Variants in CNTN3 observed in about 807,000 individuals in gnomAD.
CNTN3 encodes contactin-3.
In CNTN3, 60 loss-of-function variants were observed where a neutral mutation model predicts 119.1. That is an observed-to-expected ratio of 0.50 (90% CI 0.41 to 0.62). The LOEUF (loss-of-function observed/expected upper bound fraction) is 0.62, where lower values mean the gene tolerates loss of function less well. Ranked by LOEUF, CNTN3 falls within the 20% of genes least tolerant of loss-of-function variation. The pLI, the probability that CNTN3 is intolerant of heterozygous loss-of-function variation, is 0.00. For missense variants in CNTN3, 1,101 were observed against 1,242.4 expected, an observed-to-expected ratio of 0.89 and a Z score of 1.71; for synonymous variants, 450 against 438.7, an observed-to-expected ratio of 1.03 and a Z score of -0.32.
At chr3:74,450,229 A>C (rs981479421) in intron 4 of CNTN3, among the ~76,000 whole-genome samples, 5 of 152,128 alleles carry the variant, frequency 3.3e-5, no homozygotes, top group African/African-American at 1.2e-4. Flanking sequence ...TTTTTTATAT[A>C]AAGTCGAAAC....
At chr3:74,603,021 A>C (rs1260776360) in intron 1 of CNTN3, among the ~76,000 whole-genome samples, 2 of 152,116 alleles carry the variant, frequency 1.3e-5, no homozygotes, top group African/African-American at 4.8e-5. Flanking sequence ...CTAAAACTTA[A>C]AGTACTTGCA....
At chr3:74,552,953 G>C (rs1220199060) in intron 1 of CNTN3, among the ~76,000 whole-genome samples, 1 of 151,880 alleles carries the variant, frequency 6.6e-6, no homozygotes, top group Non-Finnish European at 1.5e-5. Flanking sequence ...TTTTTTAATT[G>C]TACTTTAAGT....
At chr3:74,335,903 T>C (rs1208930538) in intron 12 of CNTN3, among the ~76,000 whole-genome samples, 1 of 152,174 alleles carries the variant, frequency 6.6e-6, no homozygotes, top group African/African-American at 2.4e-5. Flanking sequence ...CTGTTGCTAA[T>C]GCTCTAACTT....
chr3:74,604,513 A>G (rs922238954), intron 1 of CNTN3, among the ~76,000 whole-genome samples: 1 of 152,158 alleles, frequency 6.6e-6, no homozygotes, highest in African/African-American at 2.4e-5. Context: ...CAGAAAAAAC[A>G]TTTATCAAAA....
chr3:74,348,552 T>C (rs1703745642), intron 11 of CNTN3, among the ~76,000 whole-genome samples: 2 of 152,072 alleles, frequency 1.3e-5, no homozygotes, highest in Admixed American at 6.6e-5. Flanking sequence ...GAGGCCATGA[T>C]AGCATAGGAA....
At chr3:74,497,140 T>C (rs1703080236) in intron 3 of CNTN3, among the ~76,000 whole-genome samples, 1 of 152,032 alleles carries the variant, frequency 6.6e-6, no homozygotes, top group Non-Finnish European at 1.5e-5. Flanking sequence ...ATACTTTTTC[T>C]GACTTCATGT....
chr3:74,361,381 CAG>C (rs1242790171), intron 11 of CNTN3, among the ~76,000 whole-genome samples: 1 of 152,158 alleles, frequency 6.6e-6, no homozygotes, highest in Non-Finnish European at 1.5e-5. Context: ...GGTCTAGCTC[CAG>C]AGTCTGTGCT....
chr3:74,276,958 C>T (rs1335181082), intron 20 of CNTN3, among the ~76,000 whole-genome samples: 1 of 152,100 alleles, frequency 6.6e-6, no homozygotes, highest in East Asian at 1.9e-4. Context: ...GATATTACAA[C>T]TGACACCACA....
intron 5 of CNTN3, among the ~76,000 whole-genome samples, chr3:74,381,418 C>A (rs1182286123): frequency 6.6e-6 from 1 of 152,032 alleles, no homozygotes; most frequent in Non-Finnish European, 1.5e-5. Context: ...AATCAATAAT[C>A]AAAAGTAATC....
At chr3:74,399,107 T>G (rs965196425) in intron 5 of CNTN3, among the ~76,000 whole-genome samples, 2 of 152,212 alleles carry the variant, frequency 1.3e-5, no homozygotes, top group Non-Finnish European at 2.9e-5. Context: ...TTTATTCTCC[T>G]ATCTAACTGT....
At chr3:74,454,003 G>A (rs1702213498) in intron 4 of CNTN3, among the ~76,000 whole-genome samples, 1 of 149,156 alleles carries the variant, frequency 6.7e-6, no homozygotes, top group Admixed American at 6.7e-5. Flanking sequence ...TTGGGGTGGA[G>A]AGTTCTGTAG....
chr3:74,301,518 T>C lies in CNTN3; in HGVS notation c.1975A>G (p.Thr659Ala). The change falls in exon 16 of 23, where the codon ACA (threonine) becomes GCA (alanine). Residue 659 changes from threonine (T) to alanine (A), a missense_variant. Thr to Ala is a moderately conservative substitution (Grantham distance 58, BLOSUM62 0). Coordinates refer to ENST00000263665, the MANE Select transcript of CNTN3 (RefSeq NM_020872.3). The part of the protein sequence containing the change: ...VPEVIDGKTH[T>A]ATVVELNPWV... ...GGGTTTAACTCAACTACAGTGGCTG[T>C]GTGCGTCTTCCCATCGATGACCTCA... 1 of 1,614,094 alleles carries C rather than the reference T, an allele frequency of 6.2e-7. No homozygotes were observed.
rs140779063 is a variant in CNTN3 at position 74,449,825 on chromosome 3, T to A, written c.359-24885A>T. On this transcript the variant is annotated intron_variant, in intron 4 of 22. Coordinates refer to ENST00000263665, the MANE Select transcript of CNTN3 (RefSeq NM_020872.3). Reference sequence around the variant, plus strand: ...TTTGTTATACAGTAATTCAAAAATATCTACACAGAAACTTTGCATTCACAG... The same window carrying A: ...TTTGTTATACAGTAATTCAAAAATAACTACACAGAAACTTTGCATTCACAG... Among the ~76,000 whole-genome samples the A allele has an allele frequency of 2.0e-3, 312 of 152,208 alleles. 1 individual carries two copies. Among genetic ancestry groups the A allele is most frequent in the African/African-American group, 7.1e-3 (296 of 41,554 alleles).
chr3:74,479,670 G>T (rs756665238), intron 4 of CNTN3, among the ~76,000 whole-genome samples: 4 of 152,010 alleles, frequency 2.6e-5, no homozygotes, highest in African/African-American at 4.8e-5. Flanking sequence ...CGAAGATGTG[G>T]AATGTGGGTG....
At chr3:74,397,453 C>T (rs184740914) in intron 5 of CNTN3, among the ~76,000 whole-genome samples, 36 of 151,900 alleles carry the variant, frequency 2.4e-4, no homozygotes, top group African/African-American at 5.5e-4. Flanking sequence ...TCATATAAGA[C>T]GGCAAACTTG....
chr3:74,439,433 G>A (rs1701924857), intron 4 of CNTN3, among the ~76,000 whole-genome samples: 1 of 152,120 alleles, frequency 6.6e-6, no homozygotes, highest in Admixed American at 6.5e-5. Flanking sequence ...CTTGAGCCTG[G>A]AAGGCAGAGG....
chr3:74,489,825 C>T (rs987735902), intron 3 of CNTN3, among the ~76,000 whole-genome samples: 1 of 152,128 alleles, frequency 6.6e-6, no homozygotes, highest in Non-Finnish European at 1.5e-5. Flanking sequence ...TGCCATCTAT[C>T]CCATAGGATT....
At chr3:74,381,129 GT>G (rs1355026694) in intron 5 of CNTN3, among the ~76,000 whole-genome samples, 4 of 146,636 alleles carry the variant, frequency 2.7e-5, no homozygotes, top group Non-Finnish European at 6.0e-5. Context: ...CGCACGCACA[GT>G]ACTTTTGTCC....
rs1236342874 is a variant in CNTN3 at position 74,371,118 on chromosome 3, T to G, written c.658+78A>C. On this transcript the variant is annotated intron_variant, in intron 6 of 22. Transcript: ENST00000263665. The stretch of plus-strand genomic sequence containing the variant: ...GTGACAATTCTTCTAGATGTACTTT[T>G]TACATTTTCCCAATTGCTTTTGTTT... The G allele has an allele frequency of 7.9e-6, 8 of 1,013,582 alleles. No individual in the cohort carries two copies. In the African/African-American group the frequency reaches 1.3e-4, roughly 16 times the overall value. 62.8% of individuals were successfully genotyped at this position (1,013,582 alleles called of 1,614,324 possible).
Sources: allele counts gnomAD v4.1 joint callset (sites outside exome capture counted in the v4.1 genomes callset), GRCh38; gene constraint gnomAD v4.1.1; transcripts MANE v1.5; gene names NCBI Gene and HGNC (gene_info 2026-07-23, HGNC 2026-07-21).